Variants in POLD1 observed in about 807,000 individuals in gnomAD.
POLD1 encodes DNA polymerase delta catalytic subunit.
Under a neutral mutation model 129.7 loss-of-function variants are expected in POLD1, and 79 were observed. The ratio of observed to expected loss-of-function variants is 0.61; its 90% CI spans 0.51 to 0.73. The LOEUF is 0.73. POLD1 is among the 30% of genes least tolerant of loss of function. The probability of loss-of-function intolerance (pLI) is 0.00; values close to 1 mark genes in which losing one functional copy is unlikely to be tolerated. For missense variants in POLD1, 1,338 were observed against 1,595.8 expected, an observed-to-expected ratio of 0.84 and a Z score of 2.75; for synonymous variants, 714 against 683.3, an observed-to-expected ratio of 1.04 and a Z score of -0.70.
At chr19:50,400,522 ATTTTTTTTTTT>A (rs1016107364) in intron 3 of POLD1, among the ~76,000 whole-genome samples, 3 of 63,522 alleles carry the variant, frequency 4.7e-5, no homozygotes, top group South Asian at 5.8e-4. Context: ...TGCCCCGCCT[ATTTTTTTTTTT>A]TTTTTTTTTT....
rs1362033210 is a variant in POLD1 at position 50,403,027 on chromosome 19, G to A, written c.971-26G>A. ...TGTTGGGAGTGAGGGGCAGGAGTCA[G>A]GCCCCTGCATCCTCCTGCCTCGCAG... On this transcript the variant is annotated intron_variant, in intron 8 of 26. Coordinates refer to ENST00000440232, the MANE Select transcript of POLD1 (RefSeq NM_002691.4). 5 of 1,552,094 alleles carry A rather than the reference G, an allele frequency of 3.2e-6. No individual in the cohort carries two copies. In the Admixed American group the frequency reaches 7.8e-5, roughly 24 times the overall value.
rs368033860 is a variant in POLD1, at chr19:50,398,906, C to T, written c.55C>T (p.Arg19Cys). ...PGPGVPPKRARGGLWDDDDAP... is the reference protein window; with the variant it reads ...PGPGVPPKRACGGLWDDDDAP... The stretch of plus-strand genomic sequence containing the variant: ...GCCCGGGGTGCCCCCAAAGCGGGCC[C>T]GTGGGGGCCTCTGGGATGATGATGA... The change falls in exon 2 of 27, where the codon CGT becomes TGT. Residue 19 changes from arginine to cysteine, a missense_variant. Arg to Cys is a radical substitution (Grantham distance 180, BLOSUM62 -3). Coordinates refer to ENST00000440232, the MANE Select transcript of POLD1 (RefSeq NM_002691.4). 151 of 1,600,818 alleles carry T rather than the reference C, an allele frequency of 9.4e-5. 2 individuals carry two copies. In the South Asian group the frequency reaches 1.5e-3, roughly 16 times the overall value.
chr19:50,399,198 AGCCTGTGTG>A, intron 2 of POLD1, 145 bp downstream of exon 2: 1 of 1,324,320 alleles, frequency 7.6e-7, no homozygotes. Context: ...CACCCCGTGC[AGCCTGTGTG>A]GCCTACAGTG....
chr19:50,394,708 G>A (rs116683771), intron 1 of POLD1, among the ~76,000 whole-genome samples: 25 of 152,166 alleles, frequency 1.6e-4, no homozygotes, highest in Non-Finnish European at 3.1e-4. Context: ...TGGGGCAACC[G>A]TTATGAGATC....
chr19:50,384,727 C>T (rs1462348266), intron 1 of POLD1, among the ~76,000 whole-genome samples: 1 of 152,146 alleles, frequency 6.6e-6, no homozygotes, highest in Non-Finnish European at 1.5e-5. Flanking sequence ...CTGTGCCAGG[C>T]ACTTTTCTGG....
chr19:50,403,069 T>C lies in POLD1; in HGVS notation c.987T>C (p.Pro329=). 2 of 1,561,322 alleles carry C rather than the reference T, an allele frequency of 1.3e-6. No homozygotes were observed. Among genetic ancestry groups the C allele is most frequent in the African/African-American group, 1.4e-5 (1 of 73,604 alleles). ...CAGRKGIFPE[P]ERDPVIQICS... The stretch of plus-strand genomic sequence containing the variant: ...GCCTCGCAGGCATCTTCCCTGAGCC[T>C]GAGCGGGACCCTGTCATCCAGATCT... The change falls in exon 9 of 27, where the codon CCT becomes CCC. Residue 329 remains proline, a synonymous_variant. Transcript: ENST00000440232.
At chr19:50,387,101 C>T (rs910193325) in intron 1 of POLD1, among the ~76,000 whole-genome samples, 12 of 151,804 alleles carry the variant, frequency 7.9e-5, no homozygotes, top group African/African-American at 2.7e-4. Context: ...CCGAGGTGGA[C>T]GGATCACTTG....
At chr19:50,404,969 T>C (rs1389195274) in intron 10 of POLD1, among the ~76,000 whole-genome samples, 1 of 151,802 alleles carries the variant, frequency 6.6e-6, no homozygotes, top group African/African-American at 2.4e-5. Flanking sequence ...TTCTCCATGT[T>C]GGCCAGGCTG....
chr19:50,414,933 A>T lies in POLD1; in HGVS notation c.2507A>T (p.Asn836Ile), dbSNP rs1555792872. ...GGCCTGGAGGCCGTGCGCAGGGACA[A>T]CTGCCCCCTCGTGGCCAACCTGGTC... is the stretch of plus-strand genomic sequence containing the variant. ...CKGLEAVRRDNCPLVANLVTA... is the reference protein window; with the variant it reads ...CKGLEAVRRDICPLVANLVTA... Residue 836 changes from asparagine (N) to isoleucine (I), a missense_variant, in exon 20 of 27, where the codon AAC (asparagine) becomes ATC (isoleucine). Around this residue, in one of 3 missense-constraint regions of POLD1, gnomAD observed 720 missense variants for 1,002.6 expected, o/e 0.72. Coordinates refer to ENST00000440232, the MANE Select transcript of POLD1 (RefSeq NM_002691.4). 1 of 1,609,310 alleles carries T rather than the reference A, an allele frequency of 6.2e-7. No individual in the cohort carries two copies. Among genetic ancestry groups the T allele is most frequent in the Non-Finnish European group, 8.5e-7 (1 of 1,177,202 alleles).
At chr19:50,388,490 A>G (rs2038043471) in intron 1 of POLD1, among the ~76,000 whole-genome samples, 1 of 152,218 alleles carries the variant, frequency 6.6e-6, no homozygotes, top group Admixed American at 6.5e-5. Flanking sequence ...CTGCATTACA[A>G]TAAAAAAGAC....
Position 50,406,598 on chromosome 19 carries a change from G to GC in POLD1, c.1494+86dup. On this transcript the variant is annotated intron_variant, in intron 12 of 26. Transcript: ENST00000440232. The surrounding 1 kb of genome is among the most constrained non-coding windows in gnomAD (Gnocchi z 5.5). Reference sequence around the variant, plus strand: ...CCCCGGCCTCTGACCTCAACTTCACGCCCCCACGTCTGACCTCACTCTTTG... The same window carrying GC: ...CCCCGGCCTCTGACCTCAACTTCACGCCCCCCACGTCTGACCTCACTCTTTG... The GC allele has an allele frequency of 9.6e-7, 1 of 1,036,890 alleles. No homozygotes were observed. Among genetic ancestry groups the GC allele is most frequent in the East Asian group, 2.6e-5 (1 of 38,456 alleles). The allele number at this position is 1,036,890 out of a possible 1,614,324, so 64.2% of individuals were successfully genotyped here.
At chr19:50,386,987 CCAAGACCA>C (rs1176333841) in intron 1 of POLD1, among the ~76,000 whole-genome samples, 2 of 150,080 alleles carry the variant, frequency 1.3e-5, no homozygotes, top group African/African-American at 4.9e-5. Flanking sequence ...GGTCAGGAGA[CCAAGACCA>C]TCCTGGCTAA....
Position 50,406,168 on chromosome 19 carries a change from C to T in POLD1, c.1243-14C>T, listed in dbSNP as rs3218762. ...GACCCGCAGCCTGCTGCACACCCTG[C>T]CTCTCCTCCTCAGGTACAAACATTC... On this transcript the variant is annotated splice_polypyrimidine_tract_variant and intron_variant, in intron 10 of 26. Transcript: ENST00000440232. This position sits in a 1 kb window ranked among gnomAD's most constrained non-coding sequence, Gnocchi z 5.5. 1 of 1,609,640 alleles carries T rather than the reference C, an allele frequency of 6.2e-7. No individual in the cohort carries two copies. Among genetic ancestry groups the T allele is most frequent in the Non-Finnish European group, 8.5e-7 (1 of 1,176,874 alleles).
chr19:50,391,716 A>C (rs974820155), intron 1 of POLD1, among the ~76,000 whole-genome samples: 2 of 147,076 alleles, frequency 1.4e-5, no homozygotes, highest in Admixed American at 6.7e-5. Flanking sequence ...AGGGAGAGGG[A>C]GAGGTCTTTT....
rs558663919 is a variant in POLD1 at position 50,408,762 on chromosome 19, G to A, written c.1776-23G>A. On this transcript the variant is annotated intron_variant, in intron 14 of 26. Transcript: ENST00000440232. Reference sequence around the variant, plus strand: ...ATGGGAACTCCTAGCCCTGACTCCCGGCCGCGGCTGCTCCCCTCCCAGGTA... The same window carrying A: ...ATGGGAACTCCTAGCCCTGACTCCCAGCCGCGGCTGCTCCCCTCCCAGGTA... The A allele has an allele frequency of 2.1e-4, 338 of 1,611,942 alleles. 2 individuals carry two copies. In the South Asian group the frequency reaches 2.7e-3, roughly 13 times the overall value.
Position 50,416,280 on chromosome 19 carries a change from C to T in POLD1, c.2821-116C>T, listed in dbSNP as rs3219438. On this transcript the variant is annotated intron_variant, in intron 22 of 26. Coordinates refer to ENST00000440232, the MANE Select transcript of POLD1 (RefSeq NM_002691.4). Reference sequence around the variant, plus strand: ...ACCCCATCCCAGACCCAGGCCCCCCCCATGTCACAGCCCGCAGGCAGGCCT... The same window carrying T: ...ACCCCATCCCAGACCCAGGCCCCCCTCATGTCACAGCCCGCAGGCAGGCCT... The T allele has an allele frequency of 9.4e-4, 1,032 of 1,092,506 alleles. 1 individual carries two copies. In the African/African-American group the frequency reaches 0.014, roughly 14 times the overall value. 67.7% of individuals were successfully genotyped at this position (1,092,506 alleles called of 1,614,324 possible). A position where few individuals can be genotyped will look rare whatever the true frequency, so the allele number is the denominator to read the frequency against.
In POLD1 at chr19:50,386,997, C is replaced by T. The variant is rs567346673; in HGVS notation, c.-2+2607C>T. On this transcript the variant is annotated intron_variant, in intron 1 of 26. Coordinates refer to ENST00000440232, the MANE Select transcript of POLD1 (RefSeq NM_002691.4). Reference sequence around the variant, plus strand: ...CATGAGGTCAGGAGACCAAGACCATCCTGGCTAACACGGTGAAACCCCGTC... The same window carrying T: ...CATGAGGTCAGGAGACCAAGACCATTCTGGCTAACACGGTGAAACCCCGTC... 2.6e-5 allele frequency among the ~76,000 whole-genome samples: 4 copies of T among 151,638 alleles called. No individual in the cohort carries two copies. In the East Asian group the frequency reaches 7.8e-4, roughly 30 times the overall value.
In POLD1 at chr19:50,413,284, C is replaced by G; in HGVS notation, c.2155-142C>G. On this transcript the variant is annotated intron_variant, in intron 17 of 26. Transcript: ENST00000440232. ...TAGTCCCATTTTGCAGATTTGGGAA[C>G]TGAGGCCCAGGAGGGGCAGAGTGGC... 3 of 664,766 alleles carry G rather than the reference C, an allele frequency of 4.5e-6. No individual in the cohort carries two copies. In the South Asian group the frequency reaches 5.6e-5, roughly 12 times the overall value. The allele number at this position is 664,766 out of a possible 1,614,324, so 41.2% of individuals were successfully genotyped here.
At chr19:50,404,387 C>G (rs1338804077) in intron 10 of POLD1, among the ~76,000 whole-genome samples, 1 of 148,998 alleles carries the variant, frequency 6.7e-6, no homozygotes, top group African/African-American at 2.6e-5. Flanking sequence ...CTCAGCCTCC[C>G]AAGTAGCTGG....
Sources: gnomAD v4.1 joint callset for allele counts (sites outside exome capture counted in the v4.1 genomes callset) on GRCh38, gnomAD v4.1.1 for gene constraint, gnomAD v4.1.1 regional missense constraint, Gnocchi (gnomAD v3.1) non-coding constraint, MANE v1.5 for transcripts, NCBI Gene and HGNC (gene_info 2026-07-23, HGNC 2026-07-21) for gene names.